Variants in RIIAD1 observed in about 807,000 individuals in gnomAD.
The protein encoded by RIIAD1 is regulatory subunit of type II PKA R-subunit domain containing 1, also known as RIIa domain-containing protein 1.
Under a neutral mutation model 13.3 loss-of-function variants are expected in RIIAD1, and 15 were observed. The observed-to-expected ratio is 1.13, with a 90% CI of 0.76 to 1.74. The LOEUF (loss-of-function observed/expected upper bound fraction) is 1.74, where lower values mean the gene tolerates loss of function less well. Among genes scored for constraint, RIIAD1 ranks in the 40% most tolerant of loss-of-function variants. RIIAD1 has a pLI of 0.00. For missense variants in RIIAD1, 121 were observed against 112.2 expected (o/e 1.08, Z -0.35); for synonymous variants, 50 against 43.3 (o/e 1.16, Z -0.61).
At chr1:151,718,733 C>T (rs2101500873), upstream of RIIAD1, among the ~76,000 whole-genome samples, 1 of 152,264 alleles carries the variant, frequency 6.6e-6, no homozygotes, top group Middle Eastern at 3.4e-3. Context: ...CTAGAGGACT[C>T]AGTGGTGGGT....
At position 151,724,099 on chromosome 1, in the gene RIIAD1, G is replaced by A. The variant is rs183562042; in HGVS notation, c.161+1937G>A. The stretch of plus-strand genomic sequence containing the variant: ...TGATGAATAAGAATGAGTTGTTTCA[G>A]TCACCTGTCAGAGATGGCCTTGATT... On this transcript the variant is annotated intron_variant, in intron 2 of 4. Coordinates refer to ENST00000479191, the MANE Select transcript of RIIAD1 (RefSeq NM_001144956.3). Among the ~76,000 whole-genome samples the A allele has an allele frequency of 7.7e-4, 117 of 152,348 alleles. 2 individuals carry two copies. In the East Asian group the frequency reaches 0.014, roughly 19 times the overall value.
upstream of RIIAD1, chr1:151,719,730 C>T (rs6587614): frequency 0.01 from 6,672 of 664,794 alleles, 380 homozygotes; most frequent in African/African-American, 0.11. Context: ...AGTACTGAGA[C>T]GCTGTTAAAA....
intron 2 of RIIAD1, among the ~76,000 whole-genome samples, chr1:151,723,700 A>G (rs1268111771): frequency 6.6e-6 from 1 of 152,250 alleles, no homozygotes; most frequent in Non-Finnish European, 1.5e-5. Context: ...ATTCTATCTC[A>G]TGAAATAAAA....
chr1:151,723,772 G>A (rs188514846), intron 2 of RIIAD1, among the ~76,000 whole-genome samples: 7 of 152,152 alleles, frequency 4.6e-5, no homozygotes, highest in Non-Finnish European at 1.0e-4. Flanking sequence ...ATTCTCAGAG[G>A]GCAGATAGGG....
chr1:151,715,207 C>A (rs933250976), intron 4 of RIIAD1, among the ~76,000 whole-genome samples: 1 of 152,022 alleles, frequency 6.6e-6, no homozygotes, highest in Non-Finnish European at 1.5e-5. Context: ...GCTGGTGTGG[C>A]CCCTGGGATC....
At chr1:151,716,934 T>G (rs1337996340), upstream of RIIAD1, 2 of 360,166 alleles carry the variant, frequency 5.6e-6, no homozygotes, top group African/African-American at 4.3e-5. Flanking sequence ...CCACGCCCTC[T>G]TTCTATCTCC....
intron 4 of RIIAD1, chr1:151,714,700 A>T: frequency 1.3e-6 from 2 of 1,517,616 alleles, no homozygotes; most frequent in Middle Eastern, 3.6e-4. Flanking sequence ...GGGGCAGAGA[A>T]ACACGGCGGG....
At position 151,721,862 on chromosome 1, in the gene RIIAD1, G is replaced by T. The variant is rs1329589882; in HGVS notation, c.85-224G>T. On this transcript the variant is annotated intron_variant, in intron 1 of 4. Coordinates refer to ENST00000479191, the MANE Select transcript of RIIAD1 (RefSeq NM_001144956.3). Reference sequence around the variant, plus strand: ...AGGGACTCGGCCAGAGAAATGGGCCGAAATTACTGCCAGACACATCCGACC... The same window carrying T: ...AGGGACTCGGCCAGAGAAATGGGCCTAAATTACTGCCAGACACATCCGACC... The T allele has an allele frequency of 2.2e-5, 13 of 585,470 alleles. No homozygotes were observed. The Admixed American group carries it at 2.7e-4, about 12-fold the overall frequency. The allele number at this position is 585,470 out of a possible 1,614,324, so 36.3% of individuals were successfully genotyped here.
chr1:151,727,678 T>C, intron 3 of RIIAD1, 57 bp downstream of exon 3: 4 of 1,233,534 alleles, frequency 3.2e-6, no homozygotes, highest in Non-Finnish European at 4.7e-6. Flanking sequence ...GGGAGCATGA[T>C]TGTGAGTTTA....
upstream of RIIAD1, chr1:151,719,669 G>T (rs1396731536): frequency 1.4e-6 from 1 of 702,746 alleles, no homozygotes; most frequent in African/African-American, 1.7e-5. Flanking sequence ...CCCTCAAGTG[G>T]CTTCCACCTC....
chr1:151,717,463 G>A (rs1308147879), upstream of RIIAD1, among the ~76,000 whole-genome samples: 2 of 152,156 alleles, frequency 1.3e-5, no homozygotes, highest in Admixed American at 1.3e-4. Context: ...GGGGGTTTGT[G>A]TGTATAAGTG....
At chr1:151,723,588 T>G (rs1354704772) in intron 2 of RIIAD1, among the ~76,000 whole-genome samples, 3 of 151,990 alleles carry the variant, frequency 2.0e-5, no homozygotes. Flanking sequence ...TAATCCCAGC[T>G]ACCTGGGAGA....
Position 151,714,686 on chromosome 1 carries a change from G to A in RIIAD1, c.21+157G>A. On this transcript the variant is annotated intron_variant, in intron 4 of 8. Coordinates refer to the RIIAD1 transcript ENST00000326413. ...GTCAGGAAGGCACATCCTGAGGAGG[G>A]GCAGGGGCAGAGAAACACGGCGGGG... is the stretch of plus-strand genomic sequence containing the variant. The A allele has an allele frequency of 1.3e-6, 2 of 1,552,182 alleles. 1 individual carries two copies. Among genetic ancestry groups the A allele is most frequent in the South Asian group, 2.4e-5 (2 of 84,160 alleles).
intron 4 of RIIAD1, among the ~76,000 whole-genome samples, chr1:151,715,427 G>C (rs544689788): frequency 6.6e-6 from 1 of 152,102 alleles, no homozygotes; most frequent in African/African-American, 2.4e-5. Flanking sequence ...GCCCAGTCCA[G>C]CTCCACGCTT....
Position 151,721,581 on chromosome 1 carries a change from G to T in RIIAD1, c.45G>T (p.Ala15=). The part of the protein sequence containing the change: ...PGLLQRPDPG[A]LSAAQLEQLR... ...TGCTGCAGCGGCCCGACCCCGGGGCGCTTAGCGCAGCGCAGCTGGAGCAGC... is the reference window on the plus strand; with the variant it reads ...TGCTGCAGCGGCCCGACCCCGGGGCTCTTAGCGCAGCGCAGCTGGAGCAGC... Residue 15 remains alanine, a synonymous_variant, in exon 1 of 5, where the codon GCG becomes GCT. Transcript: ENST00000479191. 7.6e-7 allele frequency: 1 copy of T among 1,317,594 alleles called. No individual in the cohort carries two copies. The highest frequency in any genetic ancestry group is 2.0e-5 in the South Asian group (1 of 51,264). The allele number at this position is 1,317,594 out of a possible 1,614,324, so 81.6% of individuals were successfully genotyped here.
intron 4 of RIIAD1, chr1:151,716,268 A>C: frequency 2.2e-6 from 1 of 456,254 alleles, no homozygotes. Context: ...GCCTAAACAA[A>C]CGATCTCCCT....
Position 151,729,005 on chromosome 1 carries a change from TTAATG to T in RIIAD1, c.*57+116_*57+120del, listed in dbSNP as rs1196617105. 8 of 606,020 alleles carry T rather than the reference TTAATG, an allele frequency of 1.3e-5. No homozygotes were observed. The African/African-American group carries it at 1.5e-4, about 11-fold the overall frequency. 37.5% of individuals were successfully genotyped at this position (606,020 alleles called of 1,614,324 possible). A position where few individuals can be genotyped will look rare whatever the true frequency, so the allele number is the denominator to read the frequency against. ...TCAAGTGGAGAATTTAAAGAGAAGT[TTAATG>T]TAAATGTTTAGTTTTTCCTCTACTG... On this transcript the variant is annotated intron_variant, in intron 4 of 4. Coordinates refer to ENST00000479191, the MANE Select transcript of RIIAD1 (RefSeq NM_001144956.3).
At chr1:151,716,410 A>C in intron 4 of RIIAD1, 1 of 265,574 alleles carries the variant, frequency 3.8e-6, no homozygotes, top group Non-Finnish European at 7.4e-6. Flanking sequence ...GAGGCGGGGA[A>C]AGGGCCTGAG....
chr1:151,715,522 G>A (rs540967997), intron 4 of RIIAD1: 114 of 803,470 alleles, frequency 1.4e-4, no homozygotes, highest in Middle Eastern at 2.7e-4. Flanking sequence ...TGCTGCACAC[G>A]CACACACACA....
Sources: allele counts gnomAD v4.1 joint callset (sites outside exome capture counted in the v4.1 genomes callset), GRCh38; gene constraint gnomAD v4.1.1; transcripts MANE v1.5; gene names NCBI Gene and HGNC (gene_info 2026-07-23, HGNC 2026-07-21).